Variants in OR6N1 observed in about 807,000 individuals in gnomAD.
The protein encoded by OR6N1 is olfactory receptor 6N1.
For synonymous variants in OR6N1, 170 were observed against 150.7 expected (o/e 1.13, Z -0.94); for missense variants, 394 against 371.7 (o/e 1.06, Z -0.49).
the OR6N1 span, among the ~76,000 whole-genome samples, chr1:158,826,326 A>T: frequency 6.6e-6 from 1 of 152,282 alleles, no homozygotes; most frequent in East Asian, 1.9e-4. Flanking sequence ...ATGATTAAAG[A>T]TGGAAACTTT....
intron 1 of OR6N1, among the ~76,000 whole-genome samples, chr1:158,767,505 A>C (rs945317403): frequency 6.6e-6 from 1 of 152,200 alleles, no homozygotes; most frequent in Non-Finnish European, 1.5e-5. Flanking sequence ...TGTTGAGGTC[A>C]ATGTAACAAT....
At chr1:158,777,294 A>G in the OR6N1 span, 1 of 1,614,156 alleles carries the variant, frequency 6.2e-7, no homozygotes, top group South Asian at 1.1e-5. Context: ...TGGCTGTAAG[A>G]AGGTAGCATT....
At chr1:158,798,960 A>G in the OR6N1 span, among the ~76,000 whole-genome samples, 2 of 152,316 alleles carry the variant, frequency 1.3e-5, no homozygotes, top group African/African-American at 4.8e-5. Context: ...GAACTGTGCT[A>G]CATATGCCCA....
At chr1:158,782,895 G>A in the OR6N1 span, among the ~76,000 whole-genome samples, 1 of 152,048 alleles carries the variant, frequency 6.6e-6, no homozygotes. Context: ...GCTAGCTTGT[G>A]TTTTGCTCAG....
chr1:158,796,636 A>G, the OR6N1 span, among the ~76,000 whole-genome samples: 29 of 152,080 alleles, frequency 1.9e-4, no homozygotes, highest in Admixed American at 1.9e-3. Flanking sequence ...TTTTTGTATT[A>G]TTTTGAATAT....
chr1:158,807,068 T>C, the OR6N1 span, among the ~76,000 whole-genome samples: 2 of 146,534 alleles, frequency 1.4e-5, no homozygotes, highest in Non-Finnish European at 3.0e-5. Flanking sequence ...CTGAGAGGAA[T>C]GTGAGCACTC....
chr1:158,787,635 T>TCTCTCTCTCTCTCTCACACA, the OR6N1 span, among the ~76,000 whole-genome samples: 1 of 134,316 alleles, frequency 7.4e-6, no homozygotes, highest in African/African-American at 3.0e-5. Context: ...TCTCTCTCTC[T>TCTCTCTCTCTCTCTCACACA]CACACACACA....
chr1:158,838,994 G>A, the OR6N1 span, among the ~76,000 whole-genome samples: 1 of 151,830 alleles, frequency 6.6e-6, no homozygotes, highest in South Asian at 2.1e-4. Flanking sequence ...TTATTTAGTT[G>A]TCTCTACCTA....
the OR6N1 span, among the ~76,000 whole-genome samples, chr1:158,781,905 C>A: frequency 6.6e-6 from 1 of 152,298 alleles, no homozygotes; most frequent in South Asian, 2.1e-4. Context: ...ATTGTTATTC[C>A]CATTGTACAT....
chr1:158,784,222 A>G, the OR6N1 span, among the ~76,000 whole-genome samples: 1 of 152,156 alleles, frequency 6.6e-6, no homozygotes, highest in Non-Finnish European at 1.5e-5. Context: ...TTTTCAGAAC[A>G]CTCTGTATTA....
At chr1:158,808,157 A>T in the OR6N1 span, among the ~76,000 whole-genome samples, 1 of 89,550 alleles carries the variant, frequency 1.1e-5, no homozygotes, top group Non-Finnish European at 2.0e-5. Flanking sequence ...TTTTTTTTTA[A>T]GACGGAGTCT....
upstream of OR6N1, among the ~76,000 whole-genome samples, chr1:158,773,106 T>TC (rs1657464540): frequency 6.6e-6 from 1 of 152,122 alleles, no homozygotes; most frequent in African/African-American, 2.4e-5. Flanking sequence ...ACTTTCTCCA[T>TC]CCCACCCACA....
At chr1:158,803,203 A>G in the OR6N1 span, among the ~76,000 whole-genome samples, 2 of 152,348 alleles carry the variant, frequency 1.3e-5, no homozygotes, top group Middle Eastern at 3.4e-3. Flanking sequence ...TAGGAGACGG[A>G]AAGTTTCTGA....
the OR6N1 span, among the ~76,000 whole-genome samples, chr1:158,778,144 A>G: frequency 1.3e-5 from 2 of 152,194 alleles, no homozygotes; most frequent in African/African-American, 4.8e-5. Flanking sequence ...ATATTTTCCT[A>G]TTGTTCAATT....
At chr1:158,778,998 G>T in the OR6N1 span, among the ~76,000 whole-genome samples, 1 of 110,410 alleles carries the variant, frequency 9.1e-6, no homozygotes, top group Middle Eastern at 6.7e-3. Flanking sequence ...CAGCCTGGGC[G>T]ACAGTGCGAG....
rs1268651102 is a variant in OR6N1 at position 158,764,626 on chromosome 1, A to T, written c.*1118T>A. On this transcript the variant is annotated 3_prime_UTR_variant, in exon 2 of 2. Transcript: ENST00000641846. The stretch of plus-strand genomic sequence containing the variant: ...AAAGATTTCTTGTAGTTAATATTTG[A>T]TCCTCCATTCATGGAAGGATACATA... 6.6e-6 allele frequency: 1 copy of T among 152,072 alleles called. No individual in the cohort carries two copies. The highest frequency in any genetic ancestry group is 2.1e-4 in the South Asian group (1 of 4,832). The allele number at this position is 152,072 out of a possible 1,614,324, so 9.4% of individuals were successfully genotyped here.
the OR6N1 span, among the ~76,000 whole-genome samples, chr1:158,828,739 G>A: frequency 5.2e-3 from 788 of 152,340 alleles, 8 homozygotes; most frequent in African/African-American, 0.018. Context: ...GGGACTCTGT[G>A]TAGGGTCTCC....
the OR6N1 span, among the ~76,000 whole-genome samples, chr1:158,831,934 T>C: frequency 6.6e-6 from 1 of 152,136 alleles, no homozygotes; most frequent in Non-Finnish European, 1.5e-5. Context: ...TAATATTTAG[T>C]AAAAAATAAA....
the OR6N1 span, among the ~76,000 whole-genome samples, chr1:158,795,250 T>C: frequency 6.6e-6 from 1 of 152,176 alleles, no homozygotes; most frequent in Non-Finnish European, 1.5e-5. Flanking sequence ...ACACAGTGTT[T>C]TGCTGGCAGC....
Sources: gnomAD v4.1 joint callset for allele counts (sites outside exome capture counted in the v4.1 genomes callset) on GRCh38, gnomAD v4.1.1 for gene constraint, MANE v1.5 for transcripts, NCBI Gene and HGNC (gene_info 2026-07-23, HGNC 2026-07-21) for gene names.